STAM: variants seen among roughly 807,000 people sequenced by gnomAD.
STAM encodes signal transducing adaptor molecule.
STAM carries 16 observed loss-of-function variants against 63.4 expected under a neutral mutation model. That is an observed-to-expected ratio of 0.25 (90% CI 0.17 to 0.38). The LOEUF (loss-of-function observed/expected upper bound fraction) is 0.38. Ranked by LOEUF, STAM falls within the 10% of genes least tolerant of loss-of-function variation. The pLI is 1.00. For synonymous variants in STAM, 238 were observed against 223.9 expected (o/e 1.06, Z -0.56); for missense variants, 636 against 657.1 (o/e 0.97, Z 0.35).
In STAM at chr10:17,716,255, C is replaced by G. The variant is rs12253673; in HGVS notation, c.*1475C>G. ...TTTTATTTTCTAAGACTGTTGTAAT[C>G]AGGTAGCTTGTTTATTTTCTTTTTG... is the stretch of plus-strand genomic sequence containing the variant. On this transcript the variant is annotated 3_prime_UTR_variant, in exon 14 of 14. Transcript: ENST00000377524. Among the ~76,000 whole-genome samples, 755 of 152,038 alleles carry G rather than the reference C, an allele frequency of 5.0e-3. 3 individuals carry two copies. The highest frequency in any genetic ancestry group is 0.018 in the African/African-American group (728 of 41,478).
rs1181357032 is a variant in STAM at position 17,660,601 on chromosome 10, A to G, written c.125+53A>G. On this transcript the variant is annotated intron_variant, in intron 2 of 13. Transcript: ENST00000377524. ...TTATTCTTTCTTTTTAAAAAACACG[A>G]AAGGCCAGGTGCAGTGGCTTGCACC... is the stretch of plus-strand genomic sequence containing the variant. 3.1e-5 allele frequency: 45 copies of G among 1,451,648 alleles called. 1 individual carries two copies. Among genetic ancestry groups the G allele is most frequent in the Non-Finnish European group, 3.7e-5 (39 of 1,056,252 alleles). 89.9% of individuals were successfully genotyped at this position (1,451,648 alleles called of 1,614,324 possible).
chr10:17,660,470 C>T lies in STAM; in HGVS notation c.47C>T (p.Ala16Val). 6.3e-7 allele frequency: 1 copy of T among 1,591,094 alleles called. No homozygotes were observed. The highest frequency in any genetic ancestry group is 2.3e-5 in the East Asian group (1 of 43,462). The change falls in exon 2 of 14, where the codon GCA (alanine) becomes GTA (valine). Residue 16 changes from alanine to valine, a missense_variant. By Grantham distance (64) the Ala-to-Val change is moderately conservative. Transcript: ENST00000377524. ...TCCCCTTTACAATCTACAGAGAAAG[C>T]AACCAGCGAGATGAATACTGCTGAG... The part of the protein sequence containing the change: ...TNPFDQDVEK[A>V]TSEMNTAEDW...
At chr10:17,681,093 G>C (rs1554825313) in intron 2 of STAM, among the ~76,000 whole-genome samples, 1 of 151,880 alleles carries the variant, frequency 6.6e-6, no homozygotes, top group East Asian at 1.9e-4. Context: ...CACCAACAGT[G>C]CACAAGTGTT....
intron 8 of STAM, 135 bp downstream of exon 8, chr10:17,697,004 C>T (rs1835789014): frequency 3.1e-6 from 2 of 640,766 alleles, no homozygotes; most frequent in African/African-American, 1.8e-5. Context: ...ATTGCAACCT[C>T]CGCCTCCTGG....
chr10:17,681,332 AT>A (rs552647657), intron 2 of STAM, among the ~76,000 whole-genome samples: 26 of 143,750 alleles, frequency 1.8e-4, no homozygotes, highest in Non-Finnish European at 3.0e-4. Flanking sequence ...TTCCCCTGTG[AT>A]TTTTTTCATT....
chr10:17,712,026 A>G (rs1589120343), intron 13 of STAM, among the ~76,000 whole-genome samples: 1 of 152,364 alleles, frequency 6.6e-6, no homozygotes, highest in Middle Eastern at 3.4e-3. Flanking sequence ...AGCTCAGTGC[A>G]GAGATAAGAG....
rs782402892 is a variant in STAM, at chr10:17,644,363, C to T, written c.24C>T (p.Pro8=). 3.1e-6 allele frequency: 5 copies of T among 1,614,084 alleles called. No homozygotes were observed. The African/African-American group carries it at 5.3e-5, about 17-fold the overall frequency. The part of the protein sequence containing the change: MPLFATN[P]FDQDVEKATS... ...AGATGCCTCTTTTTGCCACCAATCC[C>T]TTCGATCAGGATGTTGGTAAGTGTT... The change falls in exon 1 of 14, where the codon CCC becomes CCT. Residue 8 remains proline, a synonymous_variant. Transcript: ENST00000377524.
At chr10:17,657,285 A>G (rs562892276) in intron 1 of STAM, among the ~76,000 whole-genome samples, 3 of 152,272 alleles carry the variant, frequency 2.0e-5, no homozygotes, top group South Asian at 2.1e-4. Context: ...TAGAGAGGCA[A>G]TGTGATAATT....
intron 1 of STAM, among the ~76,000 whole-genome samples, chr10:17,653,655 T>A (rs1554821807): frequency 6.6e-6 from 1 of 152,232 alleles, no homozygotes. Context: ...ATTTTTCTTG[T>A]CATTATGCCC....
chr10:17,701,260 C>T (rs1390344718), intron 9 of STAM, among the ~76,000 whole-genome samples: 3 of 132,308 alleles, frequency 2.3e-5, no homozygotes, highest in Non-Finnish European at 3.5e-5. Context: ...CATCTTTAAG[C>T]GTGTTTATGA....
intron 8 of STAM, among the ~76,000 whole-genome samples, chr10:17,697,404 T>TA (rs762013835): frequency 2.6e-5 from 4 of 152,248 alleles, no homozygotes; most frequent in Non-Finnish European, 5.9e-5. Context: ...ACCGTTTCTC[T>TA]AGTGTGTAGT....
intron 1 of STAM, among the ~76,000 whole-genome samples, chr10:17,659,815 TTTC>T (rs1165518513): frequency 6.6e-6 from 1 of 152,224 alleles, no homozygotes; most frequent in Non-Finnish European, 1.5e-5. Flanking sequence ...TTACATAATT[TTTC>T]TTCTTTGTTA....
At chr10:17,697,534 C>G (rs1055228507) in intron 8 of STAM, among the ~76,000 whole-genome samples, 10 of 152,110 alleles carry the variant, frequency 6.6e-5, no homozygotes, top group Non-Finnish European at 8.8e-5. Context: ...GGATAATAAA[C>G]TAGAAAGTGG....
chr10:17,644,652 A>C (rs1833449556), intron 1 of STAM, among the ~76,000 whole-genome samples: 1 of 152,160 alleles, frequency 6.6e-6, no homozygotes, highest in Non-Finnish European at 1.5e-5. Flanking sequence ...GCCTGGGAGG[A>C]GCAGCTGGTG....
intron 2 of STAM, among the ~76,000 whole-genome samples, chr10:17,675,566 TTATA>T (rs1834817014): frequency 6.6e-6 from 1 of 152,122 alleles, no homozygotes; most frequent in Admixed American, 6.5e-5. Flanking sequence ...ATATTGTAGT[TTATA>T]TAAAGTTTGG....
chr10:17,647,439 C>T (rs899416265), intron 1 of STAM, among the ~76,000 whole-genome samples: 2 of 152,110 alleles, frequency 1.3e-5, no homozygotes, highest in African/African-American at 2.4e-5. Flanking sequence ...TTTGCTTCCC[C>T]TTTTTGCAAC....
intron 7 of STAM, 71 bp downstream of exon 7, chr10:17,695,312 T>A (rs1564561755): frequency 1.5e-6 from 2 of 1,377,612 alleles, no homozygotes; most frequent in Non-Finnish European, 2.0e-6. Flanking sequence ...TTATTCCTGT[T>A]GATTGCAGTT....
chr10:17,706,297 C>G (rs989024712), intron 12 of STAM, among the ~76,000 whole-genome samples: 5 of 146,260 alleles, frequency 3.4e-5, no homozygotes, highest in Non-Finnish European at 6.0e-5. Context: ...AGCCATCACA[C>G]TTTTGAAAAA....
At chr10:17,703,002 C>T (rs1349493514) in intron 9 of STAM, among the ~76,000 whole-genome samples, 9 of 105,654 alleles carry the variant, frequency 8.5e-5, no homozygotes, top group Non-Finnish European at 1.5e-4. Flanking sequence ...GAGTAAGACT[C>T]CATCTCAAAA....
Sources: allele counts gnomAD v4.1 joint callset (sites outside exome capture counted in the v4.1 genomes callset), GRCh38; gene constraint gnomAD v4.1.1; transcripts MANE v1.5; gene names NCBI Gene and HGNC (gene_info 2026-07-23, HGNC 2026-07-21).